The following USP25 variants were observed in gnomAD, a reference collection of about 807,000 sequenced individuals.
USP25 encodes the protein ubiquitin carboxyl-terminal hydrolase 25.
In USP25, 85 loss-of-function variants were observed where a neutral mutation model predicts 158.5. The observed-to-expected ratio is 0.54, with a 90% confidence interval of 0.45 to 0.64. USP25 has a LOEUF of 0.64. Among genes scored for constraint, USP25 ranks in the 30% least tolerant of loss-of-function variants. The pLI, the probability that USP25 is intolerant of heterozygous loss-of-function variation, is 0.00. For synonymous variants in USP25, 464 were observed against 460.4 expected (o/e 1.01, Z -0.10); for missense variants, 1,242 against 1,327.3 (o/e 0.94, Z 1.00).
chr21:15,747,502 A>G (rs1412276235), intron 1 of USP25, among the ~76,000 whole-genome samples: 1 of 151,880 alleles, frequency 6.6e-6, no homozygotes, highest in East Asian at 1.9e-4. Flanking sequence ...TCCTATATAT[A>G]GTATCTACCT....
At chr21:15,760,736 A>G (rs2033674918) in intron 1 of USP25, among the ~76,000 whole-genome samples, 1 of 152,240 alleles carries the variant, frequency 6.6e-6, no homozygotes, top group Non-Finnish European at 1.5e-5. Flanking sequence ...TGCAAGACTT[A>G]GTACACAGAA....
chr21:15,749,714 A>G (rs978480563), intron 1 of USP25, among the ~76,000 whole-genome samples: 3 of 152,256 alleles, frequency 2.0e-5, no homozygotes, highest in Non-Finnish European at 2.9e-5. Context: ...AAGAGGATCT[A>G]GGAAGACTAG....
At chr21:15,750,506 AG>A (rs1386792333) in intron 1 of USP25, among the ~76,000 whole-genome samples, 2 of 152,104 alleles carry the variant, frequency 1.3e-5, no homozygotes, top group East Asian at 3.9e-4. Context: ...CTGGGATTAC[AG>A]GCATGAACAA....
intron 10 of USP25, among the ~76,000 whole-genome samples, chr21:15,821,744 G>A (rs1414689748): frequency 6.6e-6 from 1 of 151,920 alleles, no homozygotes; most frequent in Non-Finnish European, 1.5e-5. Context: ...TTGATATTCC[G>A]TGGGGAATTT....
At position 15,791,351 on chromosome 21, in the gene USP25, A is replaced by G. The variant is rs964404872; in HGVS notation, c.393-151A>G. The G allele has an allele frequency of 9.3e-6, 8 of 863,476 alleles. No individual in the cohort carries two copies. In the East Asian group the frequency reaches 2.5e-4, roughly 27 times the overall value. The allele number at this position is 863,476 out of a possible 1,614,324, so 53.5% of individuals were successfully genotyped here. ...TCTATGTATTAGCATTGACACTGCT[A>G]AAACGTGTATTTGAGTAAAGTTAGT... On this transcript the variant is annotated intron_variant, in intron 4 of 25. Coordinates refer to ENST00000400183, the MANE Select transcript of USP25 (RefSeq NM_001283041.3).
chr21:15,794,780 G>A (rs1418182522), intron 5 of USP25, among the ~76,000 whole-genome samples: 2 of 151,418 alleles, frequency 1.3e-5, no homozygotes, highest in Non-Finnish European at 3.0e-5. Flanking sequence ...GGCACCCTGA[G>A]GGCAGAGAGC....
At chr21:15,757,860 G>A (rs1389471110) in intron 1 of USP25, among the ~76,000 whole-genome samples, 6 of 152,188 alleles carry the variant, frequency 3.9e-5, no homozygotes, top group Non-Finnish European at 8.8e-5. Flanking sequence ...GAATTGGGAG[G>A]CTAGCATAGG....
intron 17 of USP25, among the ~76,000 whole-genome samples, chr21:15,840,985 G>T (rs939450721): frequency 6.6e-6 from 1 of 152,188 alleles, no homozygotes; most frequent in African/African-American, 2.4e-5. Flanking sequence ...TAAGCTGATG[G>T]TAGCCAAAGA....
In USP25 at chr21:15,730,037, G is replaced by C. The variant is rs1366031177; in HGVS notation, c.-357G>C. 1 of 151,692 alleles carries C rather than the reference G, an allele frequency of 6.6e-6. No homozygotes were observed. The highest frequency in any genetic ancestry group is 2.4e-5 in the African/African-American group (1 of 41,354). The allele number at this position is 151,692 out of a possible 1,614,324, so 9.4% of individuals were successfully genotyped here. A position where few individuals can be genotyped will look rare whatever the true frequency, so the allele number is the denominator to read the frequency against. The stretch of plus-strand genomic sequence containing the variant: ...TCTCCCTTCCCCAAAGCAGCCCGCG[G>C]ACCGGCAGCAAAGGAACGTGCGAAC... On this transcript the variant is annotated 5_prime_UTR_variant, in exon 1 of 26. Transcript: ENST00000400183.
chr21:15,784,655 G>C (rs1407533448), intron 4 of USP25, among the ~76,000 whole-genome samples: 1 of 152,070 alleles, frequency 6.6e-6, no homozygotes, highest in African/African-American at 2.4e-5. Flanking sequence ...AAAAAGTCTA[G>C]ATTATTTTTG....
chr21:15,783,400 A>T (rs376520642), intron 4 of USP25, among the ~76,000 whole-genome samples: 2 of 152,290 alleles, frequency 1.3e-5, no homozygotes, highest in South Asian at 2.1e-4. Flanking sequence ...GAAGTTATGG[A>T]CATCTAGGAA....
rs1250416947 is a variant in USP25 at position 15,805,168 on chromosome 21, A to C, written c.690A>C (p.Ala230=). 2 of 1,608,472 alleles carry C rather than the reference A, an allele frequency of 1.2e-6. No homozygotes were observed. Among genetic ancestry groups the C allele is most frequent in the Non-Finnish European group, 1.7e-6 (2 of 1,177,844 alleles). The change falls in exon 7 of 26, where the codon GCA becomes GCC. Residue 230 remains alanine, a synonymous_variant. Coordinates refer to ENST00000400183, the MANE Select transcript of USP25 (RefSeq NM_001283041.3). ...PFMRELRYLF[A]LLVGTKRKYV... is the part of the protein sequence containing the mutation. ...TGCGTGAGCTGAGGTATCTATTTGCACTTCTTGTTGGTACCAAAAGGAAGT... is the reference window on the plus strand; with the variant it reads ...TGCGTGAGCTGAGGTATCTATTTGCCCTTCTTGTTGGTACCAAAAGGAAGT...
intron 14 of USP25, among the ~76,000 whole-genome samples, chr21:15,827,765 C>CGTGCGT (rs1555849274): frequency 7.3e-6 from 1 of 136,810 alleles, no homozygotes; most frequent in Non-Finnish European, 1.6e-5. Context: ...TGTGCGTGTG[C>CGTGCGT]GTGTGTGTGT....
chr21:15,731,784 C>A (rs976967875), intron 1 of USP25, among the ~76,000 whole-genome samples: 1 of 152,144 alleles, frequency 6.6e-6, no homozygotes, highest in African/African-American at 2.4e-5. Context: ...CCTTCCTAAT[C>A]CTCCCTATTC....
At chr21:15,764,783 A>G (rs571806177) in intron 2 of USP25, among the ~76,000 whole-genome samples, 31 of 152,124 alleles carry the variant, frequency 2.0e-4, no homozygotes, top group Non-Finnish European at 3.1e-4. Flanking sequence ...GTCACTTAGG[A>G]ATCGTCTAAT....
At chr21:15,747,523 TTAATTTATAAATTAGG>T (rs2032657877) in intron 1 of USP25, among the ~76,000 whole-genome samples, 1 of 152,078 alleles carries the variant, frequency 6.6e-6, no homozygotes, top group African/African-American at 2.4e-5. Flanking sequence ...GTGATAAAGT[TTAATTTATAAATTAGG>T]TAATTTATAA....
intron 20 of USP25, among the ~76,000 whole-genome samples, chr21:15,851,737 TCTC>T (rs1054062598): frequency 2.6e-5 from 4 of 152,002 alleles, no homozygotes; most frequent in Admixed American, 6.6e-5. Flanking sequence ...CTTGTTTAAA[TCTC>T]CTCTCATTCT....
chr21:15,769,496 T>C (rs1213247705), intron 3 of USP25, among the ~76,000 whole-genome samples: 1 of 152,154 alleles, frequency 6.6e-6, no homozygotes, highest in African/African-American at 2.4e-5. Flanking sequence ...TCAAATATTA[T>C]AGATTGTCAA....
At chr21:15,805,772 A>G (rs2036352486) in intron 7 of USP25, 1 of 152,218 alleles carries the variant, frequency 6.6e-6, no homozygotes, top group South Asian at 2.1e-4. Context: ...CAGTATTTTC[A>G]CATATAATTG....
Sources: gnomAD v4.1 joint callset for allele counts (sites outside exome capture counted in the v4.1 genomes callset) on GRCh38, gnomAD v4.1.1 for gene constraint, MANE v1.5 for transcripts, NCBI Gene and HGNC (gene_info 2026-07-23, HGNC 2026-07-21) for gene names.